Variants in DGKI observed in about 807,000 individuals in gnomAD.
DGKI encodes the protein DAG kinase iota.
In DGKI, 55 loss-of-function variants were observed where a neutral mutation model predicts 147.5. The observed-to-expected ratio is 0.37, with a 90% CI of 0.30 to 0.47. DGKI has a LOEUF of 0.47. Ranked by LOEUF, DGKI falls within the 20% of genes least tolerant of loss-of-function variation. The pLI is 1.00. For synonymous variants in DGKI, 469 were observed against 477.1 expected (o/e 0.98, Z 0.22); for missense variants, 1,007 against 1,323.8 (o/e 0.76, Z 3.71).
At chr7:137,819,243 C>T (rs994581077) in intron 1 of DGKI, among the ~76,000 whole-genome samples, 6 of 152,108 alleles carry the variant, frequency 3.9e-5, no homozygotes, top group African/African-American at 1.2e-4. Flanking sequence ...CACTCCTCAA[C>T]GAAGCTGTGT....
intron 3 of DGKI, among the ~76,000 whole-genome samples, chr7:137,668,219 A>G (rs2116333177): frequency 6.6e-6 from 1 of 152,312 alleles, no homozygotes; most frequent in South Asian, 2.1e-4. Context: ...TCCCTAGGGG[A>G]ACTGACTAAT....
At chr7:137,788,977 A>G (rs1585494520) in intron 1 of DGKI, among the ~76,000 whole-genome samples, 1 of 152,212 alleles carries the variant, frequency 6.6e-6, no homozygotes, top group African/African-American at 2.4e-5. Context: ...AAATTGCTCA[A>G]TAAGTATTTG....
chr7:137,766,462 T>C (rs1411329690), intron 1 of DGKI, among the ~76,000 whole-genome samples: 1 of 152,144 alleles, frequency 6.6e-6, no homozygotes, highest in Non-Finnish European at 1.5e-5. Flanking sequence ...GGAAAGTGAA[T>C]TGACAAGTTA....
chr7:137,499,169 G>A lies in DGKI; in HGVS notation c.2249-11480C>T, dbSNP rs142353994. Among the ~76,000 whole-genome samples, 645 of 152,262 alleles carry A rather than the reference G, an allele frequency of 4.2e-3. 6 individuals carry two copies. The highest frequency in any genetic ancestry group is 0.015 in the African/African-American group (616 of 41,552). On this transcript the variant is annotated intron_variant, in intron 21 of 32. Transcript: ENST00000614521. ...TGGTTTAGGGATGCATACGTTGGTG[G>A]TAAATATATACCTATCAAGAGAATG...
intron 30 of DGKI, among the ~76,000 whole-genome samples, chr7:137,404,588 AT>A (rs1342548692): frequency 6.6e-6 from 1 of 152,164 alleles, no homozygotes; most frequent in African/African-American, 2.4e-5. Flanking sequence ...TTCCTGTGCT[AT>A]TAGAGATCCT....
intron 27 of DGKI, among the ~76,000 whole-genome samples, chr7:137,446,175 G>A (rs535525216): frequency 3.3e-5 from 5 of 152,326 alleles, no homozygotes; most frequent in African/African-American, 1.2e-4. Flanking sequence ...GGTCTTTGCT[G>A]GCTTTGTGCA....
At chr7:137,674,262 C>T (rs1208506226) in intron 3 of DGKI, among the ~76,000 whole-genome samples, 1 of 152,164 alleles carries the variant, frequency 6.6e-6, no homozygotes, top group African/African-American at 2.4e-5. Flanking sequence ...GAAAAGGTCA[C>T]GTGGTTTAGT....
intron 3 of DGKI, among the ~76,000 whole-genome samples, chr7:137,669,600 G>T (rs564232684): frequency 6.6e-6 from 1 of 152,078 alleles, no homozygotes; most frequent in Non-Finnish European, 1.5e-5. Context: ...ACACAAACAC[G>T]CAAATGCAGC....
chr7:137,537,461 TA>T (rs199903818), intron 20 of DGKI, among the ~76,000 whole-genome samples: 10 of 151,420 alleles, frequency 6.6e-5, no homozygotes, highest in Non-Finnish European at 8.9e-5. Flanking sequence ...AATACAGAAA[TA>T]AAAAAAAATT....
intron 24 of DGKI, 55 bp from the exon 25 acceptor site, chr7:137,466,997 A>G: frequency 1.3e-6 from 2 of 1,550,266 alleles, no homozygotes; most frequent in Non-Finnish European, 8.9e-7. Context: ...CTGGCACCAA[A>G]TTTATAACCT....
intron 3 of DGKI, among the ~76,000 whole-genome samples, chr7:137,670,411 C>T (rs1822802140): frequency 6.6e-6 from 1 of 152,164 alleles, no homozygotes; most frequent in South Asian, 2.1e-4. Context: ...GTAACAATGG[C>T]TAACATGTCC....
At chr7:137,833,899 T>G (rs1798292009) in intron 1 of DGKI, among the ~76,000 whole-genome samples, 1 of 152,220 alleles carries the variant, frequency 6.6e-6, no homozygotes, top group Non-Finnish European at 1.5e-5. Flanking sequence ...AACAGGGTTT[T>G]GGATGCATAT....
chr7:137,570,013 T>C (rs1818740599), intron 19 of DGKI, among the ~76,000 whole-genome samples: 1 of 152,054 alleles, frequency 6.6e-6, no homozygotes, highest in Non-Finnish European at 1.5e-5. Context: ...GCACAATAGA[T>C]TTTTCTGTTA....
rs188437157 is a variant in DGKI, at chr7:137,470,585, A to T, written c.2374-966T>A. Among the ~76,000 whole-genome samples, 209 of 151,846 alleles carry T rather than the reference A, an allele frequency of 1.4e-3. 1 individual carries two copies. The highest frequency in any genetic ancestry group is 4.8e-3 in the African/African-American group (200 of 41,398). ...TTTCATTTATATTTTATTTTTTGAGACAGGCTGTCTTCCAGGCTGTCTTCC... is the reference window on the plus strand; with the variant it reads ...TTTCATTTATATTTTATTTTTTGAGTCAGGCTGTCTTCCAGGCTGTCTTCC... On this transcript the variant is annotated intron_variant, in intron 23 of 32. Coordinates refer to ENST00000614521, the MANE Select transcript of DGKI (RefSeq NM_001321708.2).
intron 1 of DGKI, among the ~76,000 whole-genome samples, chr7:137,737,204 CAA>C (rs763572711): frequency 0.025 from 2,048 of 83,472 alleles, 34 homozygotes; most frequent in African/African-American, 0.062. Context: ...CTCATTTCAC[CAA>C]AAAAAAAAAA....
intron 30 of DGKI, among the ~76,000 whole-genome samples, chr7:137,405,859 C>G (rs1334098646): frequency 2.6e-5 from 4 of 152,168 alleles, no homozygotes; most frequent in African/African-American, 9.7e-5. Flanking sequence ...GAGAGTCCAT[C>G]TTCAACAAAG....
In DGKI at chr7:137,650,250, C is replaced by T. The variant is rs905067480; in HGVS notation, c.738+4482G>A. Among the ~76,000 whole-genome samples, 11 of 152,258 alleles carry T rather than the reference C, an allele frequency of 7.2e-5. No homozygotes were observed. The South Asian group carries it at 1.9e-3, about 26-fold the overall frequency. On this transcript the variant is annotated intron_variant, in intron 5 of 32. Transcript: ENST00000614521. Reference sequence around the variant, plus strand: ...TCAGCAGATATCCATCAGTGACATACTCTGTGTTTTGGTGCAATTAATTTA... The same window carrying T: ...TCAGCAGATATCCATCAGTGACATATTCTGTGTTTTGGTGCAATTAATTTA...
chr7:137,575,844 C>T (rs956125051), intron 17 of DGKI, among the ~76,000 whole-genome samples: 4 of 151,372 alleles, frequency 2.6e-5, no homozygotes, highest in African/African-American at 9.7e-5. Context: ...GCGGTAAAGG[C>T]CTTTGTCTCT....
In DGKI at chr7:137,599,805, G is replaced by T. The variant is rs1163911183; in HGVS notation, c.1250+18C>A. The T allele has an allele frequency of 3.7e-6, 6 of 1,611,362 alleles. No homozygotes were observed. The highest frequency in any genetic ancestry group is 2.7e-5 in the African/African-American group (2 of 74,872). ...GCCTAAAATACATATGGACCATGGA[G>T]AATATTTCCAGACTTACGCATCTTT... On this transcript the variant is annotated intron_variant, in intron 11 of 32. Transcript: ENST00000614521.
Sources: allele counts gnomAD v4.1 joint callset (sites outside exome capture counted in the v4.1 genomes callset), GRCh38; gene constraint gnomAD v4.1.1; transcripts MANE v1.5; gene names NCBI Gene and HGNC (gene_info 2026-07-23, HGNC 2026-07-21).